The following AGAP1 variants were observed in gnomAD, a reference collection of about 807,000 sequenced individuals.
AGAP1 encodes arf-GAP with GTPase, ANK repeat and PH domain-containing protein 1.
Under a neutral mutation model 105.3 loss-of-function variants are expected in AGAP1, and 29 were observed. The observed-to-expected ratio is 0.28, with a 90% confidence interval of 0.21 to 0.38. The LOEUF (loss-of-function observed/expected upper bound fraction) is 0.38, where lower values mean the gene tolerates loss of function less well. Ranked by LOEUF, AGAP1 falls within the 10% of genes least tolerant of loss-of-function variation. AGAP1 has a pLI of 1.00. For synonymous variants in AGAP1, 509 were observed against 485.9 expected (o/e 1.05, Z -0.63); for missense variants, 998 against 1,165.1 (o/e 0.86, Z 2.09).
At chr2:236,107,546 A>T (rs1302905549) in intron 16 of AGAP1, among the ~76,000 whole-genome samples, 1 of 152,170 alleles carries the variant, frequency 6.6e-6, no homozygotes, top group Non-Finnish European at 1.5e-5. Context: ...CTGGTCAGGT[A>T]CTCAACAGGC....
At chr2:235,579,346 TAAAAC>T (rs1011260696) in intron 1 of AGAP1, among the ~76,000 whole-genome samples, 3 of 152,212 alleles carry the variant, frequency 2.0e-5, no homozygotes, top group Non-Finnish European at 4.4e-5. Flanking sequence ...GCCTTTTTGT[TAAAAC>T]AAAACAAACC....
intron 13 of AGAP1, among the ~76,000 whole-genome samples, chr2:235,984,155 G>A (rs985474186): frequency 4.6e-5 from 7 of 152,170 alleles, no homozygotes; most frequent in African/African-American, 1.4e-4. Context: ...AGAATCATAT[G>A]ATAGTTGAAT....
chr2:236,011,089 A>T (rs2056495947), intron 13 of AGAP1, among the ~76,000 whole-genome samples: 1 of 152,216 alleles, frequency 6.6e-6, no homozygotes, highest in South Asian at 2.1e-4. Flanking sequence ...CAGCATGATG[A>T]TGAGTTTTCC....
chr2:236,015,557 C>CT (rs56379614), intron 13 of AGAP1, among the ~76,000 whole-genome samples: 31,435 of 151,212 alleles, frequency 0.21, 3,521 homozygotes, highest in South Asian at 0.29. Context: ...TATAAATTGC[C>CT]TTTTTTTTTA....
chr2:235,528,385 G>A (rs368059802), intron 1 of AGAP1, among the ~76,000 whole-genome samples: 43 of 113,710 alleles, frequency 3.8e-4, no homozygotes, highest in African/African-American at 1.5e-3. Context: ...TCCCACTGGC[G>A]GTTTCATTTT....
At chr2:235,731,278 C>T (rs1457151794) in intron 3 of AGAP1, among the ~76,000 whole-genome samples, 3 of 152,170 alleles carry the variant, frequency 2.0e-5, no homozygotes, top group Non-Finnish European at 4.4e-5. Context: ...ACAGCAGATG[C>T]GTTCCCCTTT....
At position 236,014,751 on chromosome 2, in the gene AGAP1, TC is replaced by T. The variant is rs2056636539; in HGVS notation, c.1646-21808del. Reference sequence around the variant, plus strand: ...TCTCCCCTTTTCATTTGTTTTCTTTTCCTTTTTGTTTTCTCTCTTTTTCCCC... The same window carrying T: ...TCTCCCCTTTTCATTTGTTTTCTTTTCTTTTTGTTTTCTCTCTTTTTCCCC... On this transcript the variant is annotated intron_variant, in intron 13 of 17. Transcript: ENST00000304032. The surrounding 1 kb of genome is among the most constrained non-coding windows in gnomAD (Gnocchi z 6.3). 1 of 404,056 alleles carries T rather than the reference TC, an allele frequency of 2.5e-6. No homozygotes were observed. Among genetic ancestry groups the T allele is most frequent in the Non-Finnish European group, 5.0e-6 (1 of 199,166 alleles). The allele number at this position is 404,056 out of a possible 1,614,324, so 25.0% of individuals were successfully genotyped here. A position where few individuals can be genotyped will look rare whatever the true frequency, so the allele number is the denominator to read the frequency against.
chr2:235,974,647 C>T (rs2054784220), intron 13 of AGAP1, among the ~76,000 whole-genome samples: 1 of 152,242 alleles, frequency 6.6e-6, no homozygotes, highest in African/African-American at 2.4e-5. Context: ...GGGCCTCTCA[C>T]TGTTATGGTA....
chr2:235,894,412 C>G (rs1250900257), intron 10 of AGAP1, among the ~76,000 whole-genome samples: 1 of 152,214 alleles, frequency 6.6e-6, no homozygotes, highest in Non-Finnish European at 1.5e-5. Flanking sequence ...ACAGGGATAT[C>G]TGGCCCTTCA....
chr2:236,016,914 A>G (rs1450299208), intron 13 of AGAP1, among the ~76,000 whole-genome samples: 1 of 152,172 alleles, frequency 6.6e-6, no homozygotes, highest in Non-Finnish European at 1.5e-5. Flanking sequence ...AAAAGACAGC[A>G]TTCTTCATTT....
At chr2:236,004,490 A>G (rs546756353) in intron 13 of AGAP1, among the ~76,000 whole-genome samples, 3 of 152,218 alleles carry the variant, frequency 2.0e-5, no homozygotes, top group Non-Finnish European at 4.4e-5. Context: ...AGCAAAAATA[A>G]TAATTTCAAG....
At chr2:235,576,871 G>A (rs1305057401) in intron 1 of AGAP1, among the ~76,000 whole-genome samples, 1 of 152,200 alleles carries the variant, frequency 6.6e-6, no homozygotes, top group Non-Finnish European at 1.5e-5. Flanking sequence ...CCCATCATGG[G>A]ACAATTCTAA....
chr2:236,079,542 TTA>T (rs771740559), intron 16 of AGAP1, among the ~76,000 whole-genome samples: 5 of 121,590 alleles, frequency 4.1e-5, no homozygotes, highest in South Asian at 2.6e-4. Flanking sequence ...AAAAAAAAAA[TTA>T]TATATATATA....
At chr2:235,717,884 A>G (rs1951198991) in intron 3 of AGAP1, among the ~76,000 whole-genome samples, 2 of 152,218 alleles carry the variant, frequency 1.3e-5, no homozygotes, top group South Asian at 4.1e-4. Context: ...TTTATTTCTT[A>G]TCTAATTGTT....
rs1420819445 is a variant in AGAP1, at chr2:235,734,581, A to G, written c.311-6382A>G. ...AAACCCTTTAAAAAGATAAAAATCA[A>G]CAGTAAAAAATGAAAGTTACAGACA... On this transcript the variant is annotated intron_variant, in intron 3 of 17. Transcript: ENST00000304032. The surrounding 1 kb of genome is among the most constrained non-coding windows in gnomAD (Gnocchi z 5.3). Among the ~76,000 whole-genome samples, 2 of 152,238 alleles carry G rather than the reference A, an allele frequency of 1.3e-5. No homozygotes were observed. Among genetic ancestry groups the G allele is most frequent in the Non-Finnish European group, 2.9e-5 (2 of 68,046 alleles).
At chr2:235,765,350 G>A (rs183304542) in intron 6 of AGAP1, among the ~76,000 whole-genome samples, 24 of 152,056 alleles carry the variant, frequency 1.6e-4, no homozygotes, top group East Asian at 9.7e-4. Flanking sequence ...GCGAGCGCCC[G>A]TGGCAGCTGC....
At chr2:235,534,174 G>A (rs1022321267) in intron 1 of AGAP1, among the ~76,000 whole-genome samples, 2 of 152,188 alleles carry the variant, frequency 1.3e-5, no homozygotes, top group African/African-American at 2.4e-5. Context: ...CCCTCCTGCC[G>A]ACCCCGGTGG....
chr2:235,680,443 C>T (rs938659975), intron 1 of AGAP1, among the ~76,000 whole-genome samples: 1 of 152,064 alleles, frequency 6.6e-6, no homozygotes, highest in Non-Finnish European at 1.5e-5. Flanking sequence ...CCCTCGTGTC[C>T]ATTTGGACCC....
chr2:235,707,610 G>A (rs568493725), intron 1 of AGAP1, among the ~76,000 whole-genome samples: 1 of 128,426 alleles, frequency 7.8e-6, no homozygotes, highest in Non-Finnish European at 1.7e-5. Flanking sequence ...CTCCCCCGGC[G>A]TGTGACTTGG....
Sources: gnomAD v4.1 joint callset for allele counts (sites outside exome capture counted in the v4.1 genomes callset) on GRCh38, gnomAD v4.1.1 for gene constraint, Gnocchi (gnomAD v3.1) non-coding constraint, MANE v1.5 for transcripts, NCBI Gene and HGNC (gene_info 2026-07-23, HGNC 2026-07-21) for gene names.